Variants in MYLK observed in about 807,000 individuals in gnomAD.
The protein encoded by MYLK is myosin light chain kinase, smooth muscle.
MYLK carries 106 observed loss-of-function variants against 203.4 expected under a neutral mutation model. The observed-to-expected ratio is 0.52, with a 90% CI of 0.45 to 0.61. The LOEUF (loss-of-function observed/expected upper bound fraction) is 0.61. Among genes scored for constraint, MYLK ranks in the 20% least tolerant of loss-of-function variants. MYLK has a pLI of 0.00. For synonymous variants in MYLK, 867 were observed against 959.5 expected, an observed-to-expected ratio of 0.90 and a Z score of 1.78; for missense variants, 2,072 against 2,442.3, an observed-to-expected ratio of 0.85 and a Z score of 3.20.
At chr3:123,774,363 C>G (rs749401942) in intron 4 of MYLK, among the ~76,000 whole-genome samples, 2 of 152,140 alleles carry the variant, frequency 1.3e-5, no homozygotes, top group African/African-American at 4.8e-5. Context: ...ACTCCTCCCC[C>G]TGCTGTACAA....
At chr3:123,682,193 C>G in intron 20 of MYLK, 31 bp downstream of exon 20, 1 of 1,568,224 alleles carries the variant, frequency 6.4e-7, no homozygotes, top group South Asian at 1.2e-5. Flanking sequence ...CTGCCTCTGC[C>G]TCTGCCTGGT....
chr3:123,832,349 G>C (rs1003086174), intron 2 of MYLK, among the ~76,000 whole-genome samples: 1 of 152,186 alleles, frequency 6.6e-6, no homozygotes, highest in African/African-American at 2.4e-5. Context: ...CTTCTTAAGA[G>C]GGAAATAAAT....
intron 3 of MYLK, among the ~76,000 whole-genome samples, chr3:123,816,174 A>G (rs1361406380): frequency 2.6e-5 from 4 of 152,252 alleles, no homozygotes; most frequent in African/African-American, 9.6e-5. Context: ...CATACATCCT[A>G]TGGGTCTCCC....
intron 4 of MYLK, among the ~76,000 whole-genome samples, chr3:123,777,008 G>A (rs1391700021): frequency 6.6e-6 from 1 of 152,234 alleles, no homozygotes; most frequent in Non-Finnish European, 1.5e-5. Flanking sequence ...CGAGAGCAAA[G>A]CAGAACCATA....
At chr3:123,841,894 T>C (rs952793366) in intron 2 of MYLK, among the ~76,000 whole-genome samples, 1 of 151,954 alleles carries the variant, frequency 6.6e-6, no homozygotes, top group Non-Finnish European at 1.5e-5. Context: ...GAGACAGGGG[T>C]TAAAAAAGAG....
chr3:123,789,634 C>T (rs1186604262), intron 4 of MYLK, among the ~76,000 whole-genome samples: 1 of 143,372 alleles, frequency 7.0e-6, no homozygotes, highest in African/African-American at 2.6e-5. Context: ...AAAATATAGT[C>T]TCCTCAAGCT....
intron 2 of MYLK, among the ~76,000 whole-genome samples, chr3:123,859,783 A>C (rs1486309750): frequency 6.6e-6 from 1 of 152,228 alleles, no homozygotes; most frequent in African/African-American, 2.4e-5. Context: ...CAAATTAACA[A>C]TGAGATAGCG....
At position 123,832,061 on chromosome 3, in the gene MYLK, G is replaced by A. The variant is rs1003222904; in HGVS notation, c.-126-391C>T. ...TGTTGGGGCATTCTGGAGGGAGCTGGCTCCTGGCTATCAGGGATCTGGCTT... is the reference window on the plus strand; with the variant it reads ...TGTTGGGGCATTCTGGAGGGAGCTGACTCCTGGCTATCAGGGATCTGGCTT... On this transcript the variant is annotated intron_variant, in intron 2 of 33. Transcript: ENST00000360304. Among the ~76,000 whole-genome samples the A allele has an allele frequency of 2.0e-5, 3 of 152,196 alleles. No homozygotes were observed. In the South Asian group the frequency reaches 6.2e-4, roughly 31 times the overall value.
chr3:123,701,127 G>A, intron 17 of MYLK, 122 bp from the exon 18 acceptor site: 1 of 1,319,908 alleles, frequency 7.6e-7, no homozygotes, highest in Non-Finnish European at 1.0e-6. Flanking sequence ...AGGGGATGGG[G>A]GAGGCCGGCC....
chr3:123,709,701 T>C, intron 14 of MYLK, 55 bp downstream of exon 14: 4 of 1,610,560 alleles, frequency 2.5e-6, no homozygotes, highest in Non-Finnish European at 3.4e-6. Flanking sequence ...GCAATACCCA[T>C]TGCAACCAAG....
intron 2 of MYLK, among the ~76,000 whole-genome samples, chr3:123,841,440 C>T (rs1475338507): frequency 6.6e-6 from 1 of 152,012 alleles, no homozygotes; most frequent in Non-Finnish European, 1.5e-5. Context: ...TATGGAATAC[C>T]TTGTAAAAAT....
chr3:123,718,775 C>T (rs2061991939), intron 13 of MYLK, among the ~76,000 whole-genome samples: 1 of 152,136 alleles, frequency 6.6e-6, no homozygotes, highest in South Asian at 2.1e-4. Context: ...CAGCACGTGC[C>T]AGCATTTGAA....
chr3:123,613,834 A>C lies in MYLK; in HGVS notation c.*271T>G. ...TATTTGGTTTGGTTACTTTCTCTCT[A>C]AAATCAATTGGTCAGTCAAGTTACT... On this transcript the variant is annotated 3_prime_UTR_variant, in exon 34 of 34. Coordinates refer to ENST00000360304, the MANE Select transcript of MYLK (RefSeq NM_053025.4). 2.2e-6 allele frequency: 1 copy of C among 462,346 alleles called. No individual in the cohort carries two copies. The highest frequency in any genetic ancestry group is 2.2e-5 in the South Asian group (1 of 44,990). The allele number at this position is 462,346 out of a possible 1,614,324, so 28.6% of individuals were successfully genotyped here.
intron 18 of MYLK, 32 bp downstream of exon 18, chr3:123,699,988 C>A: frequency 6.2e-7 from 1 of 1,614,018 alleles, no homozygotes; most frequent in Non-Finnish European, 8.5e-7. Context: ...GGTACAGAGG[C>A]CCCTTCTTCC....
At chr3:123,826,011 T>A (rs549401471) in intron 3 of MYLK, among the ~76,000 whole-genome samples, 1 of 151,810 alleles carries the variant, frequency 6.6e-6, no homozygotes, top group East Asian at 1.9e-4. Flanking sequence ...CATAATAGCA[T>A]CCCCCCTTTG....
intron 31 of MYLK, chr3:123,625,266 A>G (rs1372327789): frequency 6.6e-6 from 1 of 152,196 alleles, no homozygotes; most frequent in Non-Finnish European, 1.5e-5. Context: ...ATGGCTATGG[A>G]GAACTATCCG....
At position 123,613,984 on chromosome 3, in the gene MYLK, A is replaced by T. The variant is rs1278441166; in HGVS notation, c.*121T>A. ...TTTCTGAAGAATCAACCCACAAATG[A>T]CCTAACCGATAATCTATCACACTAG... On this transcript the variant is annotated 3_prime_UTR_variant, in exon 34 of 34. Coordinates refer to ENST00000360304, the MANE Select transcript of MYLK (RefSeq NM_053025.4). 1 of 1,242,482 alleles carries T rather than the reference A, an allele frequency of 8.0e-7. No individual in the cohort carries two copies. Among genetic ancestry groups the T allele is most frequent in the Non-Finnish European group, 1.1e-6 (1 of 872,016 alleles). 77.0% of individuals were successfully genotyped at this position (1,242,482 alleles called of 1,614,324 possible). A position where few individuals can be genotyped will look rare whatever the true frequency, so the allele number is the denominator to read the frequency against.
intron 11 of MYLK, among the ~76,000 whole-genome samples, chr3:123,727,157 C>T (rs2062319064): frequency 6.6e-6 from 1 of 152,196 alleles, no homozygotes; most frequent in Admixed American, 6.5e-5. Flanking sequence ...TTACAGCCAG[C>T]TCTGACTGTA....
At position 123,618,627 on chromosome 3, in the gene MYLK, G is replaced by A. The variant is rs1436677501; in HGVS notation, c.5500+12C>T. 3 of 1,613,844 alleles carry A rather than the reference G, an allele frequency of 1.9e-6. No homozygotes were observed. Among genetic ancestry groups the A allele is most frequent in the South Asian group, 2.2e-5 (2 of 91,074 alleles). ...CCTATTCATGGTGAAGAGAAGCACA[G>A]CTACAACTTACCTTCAATCTTGCAG... On this transcript the variant is annotated intron_variant, in intron 33 of 33. Coordinates refer to ENST00000360304, the MANE Select transcript of MYLK (RefSeq NM_053025.4).
Sources: allele counts gnomAD v4.1 joint callset (sites outside exome capture counted in the v4.1 genomes callset), GRCh38; gene constraint gnomAD v4.1.1; transcripts MANE v1.5; gene names NCBI Gene and HGNC (gene_info 2026-07-23, HGNC 2026-07-21).